INO80D: variants seen among roughly 807,000 people sequenced by gnomAD.
INO80D encodes INO80 complex subunit D.
A neutral mutation model predicts 87.6 loss-of-function variants in INO80D; 21 were observed. That is an observed-to-expected ratio of 0.24 (90% confidence interval 0.17 to 0.35). INO80D has a LOEUF of 0.35. Ranked by LOEUF, INO80D falls within the 10% of genes least tolerant of loss-of-function variation. The probability of loss-of-function intolerance (pLI) is 1.00; values close to 1 mark genes in which losing one functional copy is unlikely to be tolerated. For missense variants in INO80D, 982 were observed against 1,280.7 expected (o/e 0.77, Z 3.56); for synonymous variants, 440 against 491.0 (o/e 0.90, Z 1.37).
At chr2:206,081,069 A>G (rs1432982488) in intron 1 of INO80D, among the ~76,000 whole-genome samples, 1 of 152,172 alleles carries the variant, frequency 6.6e-6, no homozygotes, top group Non-Finnish European at 1.5e-5. Flanking sequence ...CAGCAACCCT[A>G]TGAAGTAGGT....
chr2:206,007,888 C>T (rs1469720675), intron 9 of INO80D: 1 of 152,392 alleles, frequency 6.6e-6, no homozygotes, highest in African/African-American at 2.4e-5. Flanking sequence ...ATTTAAAGGT[C>T]AGAAAGCCCC....
At chr2:206,051,279 G>A (rs1294215704) in intron 4 of INO80D, among the ~76,000 whole-genome samples, 1 of 151,088 alleles carries the variant, frequency 6.6e-6, no homozygotes, top group African/African-American at 2.4e-5. Flanking sequence ...GCAGTGGCAT[G>A]ATTATAGCTC....
chr2:206,084,238 CAT>C lies in INO80D; in HGVS notation c.-124+1661_-124+1662del, dbSNP rs1445621101. Among the ~76,000 whole-genome samples the C allele has an allele frequency of 8.9e-3, 840 of 94,440 alleles. 20 individuals are homozygous for C. Among genetic ancestry groups the C allele is most frequent in the African/African-American group, 0.034 (806 of 23,806 alleles). The allele number at this position is 94,440 out of a possible 152,430, so 62.0% of individuals were successfully genotyped here. Reference sequence around the variant, plus strand: ...ATTTTTTTTTCGTTTAAATGTTATACATACACACACACACACACACACACACA... The same window carrying C: ...ATTTTTTTTTCGTTTAAATGTTATACACACACACACACACACACACACACA... On this transcript the variant is annotated intron_variant, in intron 1 of 10. Transcript: ENST00000403263.
intron 8 of INO80D, among the ~76,000 whole-genome samples, chr2:206,016,333 T>C (rs1688318966): frequency 6.6e-6 from 1 of 152,200 alleles, no homozygotes; most frequent in African/African-American, 2.4e-5. Context: ...GTAGCCCCTT[T>C]GTTTTGGCCA....
At position 205,999,254 on chromosome 2, in the gene INO80D, G is replaced by C. The variant is rs181601225; in HGVS notation, c.*5114C>G. The C allele has an allele frequency of 6.6e-6, 1 of 152,388 alleles. No individual in the cohort carries two copies. Among genetic ancestry groups the C allele is most frequent in the East Asian group, 1.9e-4 (1 of 5,192 alleles). The allele number at this position is 152,388 out of a possible 1,614,324, so 9.4% of individuals were successfully genotyped here. On this transcript the variant is annotated 3_prime_UTR_variant, in exon 11 of 11. Transcript: ENST00000403263. ...AGAAGAGGATTCTATGACTCTTCGG[G>C]CGGGATGGGTACAGATCATATGTGC...
chr2:205,997,825 TCCAATA>T lies in INO80D; in HGVS notation c.*6537_*6542del, dbSNP rs1218428539. 3 of 152,176 alleles carry T rather than the reference TCCAATA, an allele frequency of 2.0e-5. No homozygotes were observed. Among genetic ancestry groups the T allele is most frequent in the African/African-American group, 7.2e-5 (3 of 41,446 alleles). The allele number at this position is 152,176 out of a possible 1,614,324, so 9.4% of individuals were successfully genotyped here. ...ACAACAGAGACAATGAGAAAGTAAC[TCCAATA>T]CCCTCAACTAAATAAATCATGTTTC... On this transcript the variant is annotated 3_prime_UTR_variant, in exon 11 of 11. Coordinates refer to ENST00000403263, the MANE Select transcript of INO80D (RefSeq NM_017759.5).
chr2:206,032,557 G>A (rs973078791), intron 5 of INO80D, among the ~76,000 whole-genome samples: 3 of 152,186 alleles, frequency 2.0e-5, no homozygotes, highest in African/African-American at 7.2e-5. Flanking sequence ...AGAATCTTAA[G>A]AGCTGTGAGA....
intron 8 of INO80D, among the ~76,000 whole-genome samples, chr2:206,014,275 A>T (rs987684988): frequency 3.3e-5 from 5 of 152,230 alleles, no homozygotes; most frequent in African/African-American, 1.2e-4. Context: ...AAATTTTTCA[A>T]AACATATTGT....
At chr2:206,016,887 T>C (rs1363219403) in intron 8 of INO80D, among the ~76,000 whole-genome samples, 1 of 152,230 alleles carries the variant, frequency 6.6e-6, no homozygotes, top group Non-Finnish European at 1.5e-5. Context: ...ACCATGATTT[T>C]GAGGCCTCCC....
At position 206,000,980 on chromosome 2, in the gene INO80D, T is replaced by C. The variant is rs1687899450; in HGVS notation, c.*3388A>G. The C allele has an allele frequency of 6.6e-6, 1 of 152,156 alleles. No individual in the cohort carries two copies. The highest frequency in any genetic ancestry group is 1.9e-4 in the East Asian group (1 of 5,194). The allele number at this position is 152,156 out of a possible 1,614,324, so 9.4% of individuals were successfully genotyped here. Reference sequence around the variant, plus strand: ...AAGCAGTTATATCACACATGGTAGGTCACCAGAGAAAATAATCCTTTGCTG... The same window carrying C: ...AAGCAGTTATATCACACATGGTAGGCCACCAGAGAAAATAATCCTTTGCTG... On this transcript the variant is annotated 3_prime_UTR_variant, in exon 11 of 11. Transcript: ENST00000403263.
intron 10 of INO80D, among the ~76,000 whole-genome samples, chr2:206,006,658 G>A (rs1170264694): frequency 6.7e-6 from 1 of 148,832 alleles, no homozygotes; most frequent in East Asian, 2.0e-4. Flanking sequence ...ATTCCAGTCT[G>A]AGCGACAGAG....
At chr2:206,050,952 G>A (rs1035128794) in intron 4 of INO80D, among the ~76,000 whole-genome samples, 3 of 149,568 alleles carry the variant, frequency 2.0e-5, no homozygotes, top group African/African-American at 4.8e-5. Flanking sequence ...CCGGGTGACA[G>A]AGCGAAACTC....
intron 5 of INO80D, 38 bp downstream of exon 5, chr2:206,046,466 T>TG (rs768626885): frequency 2.0e-6 from 2 of 989,244 alleles, no homozygotes; most frequent in Non-Finnish European, 3.0e-6. Context: ...AGACTCCGTC[T>TG]CAAAAAAAAA....
intron 4 of INO80D, among the ~76,000 whole-genome samples, chr2:206,050,825 T>C (rs1379301126): frequency 2.0e-5 from 3 of 151,892 alleles, no homozygotes; most frequent in East Asian, 3.9e-4. Flanking sequence ...AAAAATTAGC[T>C]GGGCGTGGTC....
Position 206,003,962 on chromosome 2 carries a change from A to AGTGGTG in INO80D, c.*405_*406insCACCAC. 1 of 195,364 alleles carries AGTGGTG rather than the reference A, an allele frequency of 5.1e-6. No homozygotes were observed. Among genetic ancestry groups the AGTGGTG allele is most frequent in the South Asian group, 1.2e-4 (1 of 8,554 alleles). The allele number at this position is 195,364 out of a possible 1,614,324, so 12.1% of individuals were successfully genotyped here. The stretch of plus-strand genomic sequence containing the variant: ...TGTCTCTTATACAGGAACTCAATTA[A>AGTGGTG]TAAGATCATTCTATCTAGAACCACC... On this transcript the variant is annotated 3_prime_UTR_variant, in exon 11 of 11. Transcript: ENST00000403263.
Position 206,005,237 on chromosome 2 carries a change from C to T in INO80D, c.2215G>A (p.Ala739Thr). ...GGTGTAGGTGGGTTTGACAAGGTAG[C>T]AGAACGGAGCAGGTTCTCATCCAGC... ...LELDENLLRSATLSNPPTPLA... is the reference protein window; with the variant it reads ...LELDENLLRSTTLSNPPTPLA... Residue 739 changes from alanine to threonine, a missense_variant, in exon 11 of 11, where the codon GCT (alanine) becomes ACT (threonine). Coordinates refer to ENST00000403263, the MANE Select transcript of INO80D (RefSeq NM_017759.5). 1 of 1,614,006 alleles carries T rather than the reference C, an allele frequency of 6.2e-7. No individual in the cohort carries two copies. Among genetic ancestry groups the T allele is most frequent in the Non-Finnish European group, 8.5e-7 (1 of 1,179,878 alleles).
chr2:206,076,051 CAAAA>C (rs11288087), intron 1 of INO80D, among the ~76,000 whole-genome samples: 17 of 106,168 alleles, frequency 1.6e-4, no homozygotes, highest in Admixed American at 4.7e-4. Context: ...GACTCCCTCT[CAAAA>C]AAAAAAAAAA....
Position 206,000,176 on chromosome 2 carries a change from T to A in INO80D, c.*4192A>T, listed in dbSNP as rs1348088539. ...TATTAGATTTCTATATATACCAGAT[T>A]AAGAACAGTATTTTTAAAGAAGTCT... On this transcript the variant is annotated 3_prime_UTR_variant, in exon 11 of 11. Transcript: ENST00000403263. 6.6e-6 allele frequency: 1 copy of A among 152,004 alleles called. No individual in the cohort carries two copies. Among genetic ancestry groups the A allele is most frequent in the African/African-American group, 2.4e-5 (1 of 41,384 alleles). The allele number at this position is 152,004 out of a possible 1,614,324, so 9.4% of individuals were successfully genotyped here. A position where few individuals can be genotyped will look rare whatever the true frequency, so the allele number is the denominator to read the frequency against.
intron 1 of INO80D, among the ~76,000 whole-genome samples, chr2:206,083,563 C>A (rs536803549): frequency 6.6e-6 from 1 of 152,228 alleles, no homozygotes; most frequent in African/African-American, 2.4e-5. Context: ...TTTTCTTAAG[C>A]TCAATGCTAA....
Sources: gnomAD v4.1 joint callset for allele counts (sites outside exome capture counted in the v4.1 genomes callset) on GRCh38, gnomAD v4.1.1 for gene constraint, MANE v1.5 for transcripts, NCBI Gene and HGNC (gene_info 2026-07-23, HGNC 2026-07-21) for gene names.